The following ANKRD54 variants were observed in gnomAD, a reference collection of about 807,000 sequenced individuals.
The protein encoded by ANKRD54 is ankyrin repeat domain 54, also known as ankyrin repeat domain-containing protein 54.
Under a neutral mutation model 36.2 loss-of-function variants are expected in ANKRD54, and 26 were observed. The observed-to-expected ratio is 0.72, with a 90% CI of 0.53 to 1.00. The LOEUF is 1.00. Among genes scored for constraint, ANKRD54 ranks in the 50% least tolerant of loss-of-function variants. The pLI is 0.00. For missense variants in ANKRD54, 384 were observed against 424.3 expected, an observed-to-expected ratio of 0.91 and a Z score of 0.83; for synonymous variants, 209 against 188.4, an observed-to-expected ratio of 1.11 and a Z score of -0.89.
chr22:37,838,122 G>A lies in ANKRD54; in HGVS notation c.475+378C>T, dbSNP rs903456214. Among the ~76,000 whole-genome samples the A allele has an allele frequency of 3.3e-5, 5 of 151,446 alleles. No homozygotes were observed. The East Asian group carries it at 5.8e-4, about 18-fold the overall frequency. The stretch of plus-strand genomic sequence containing the variant: ...TGCACTCCAGCCTGGGCGACAGAGC[G>A]AGACTCCATCTCAAAAAAAAAAAAG... On this transcript the variant is annotated intron_variant, in intron 3 of 7. Coordinates refer to ENST00000215941, the MANE Select transcript of ANKRD54 (RefSeq NM_138797.4).
At position 37,836,702 on chromosome 22, in the gene ANKRD54, G is replaced by A. The variant is rs530324515; in HGVS notation, c.475+1798C>T. 2.9e-4 allele frequency among the ~76,000 whole-genome samples: 44 copies of A among 151,396 alleles called. No individual in the cohort carries two copies. The South Asian group carries it at 8.8e-3, about 30-fold the overall frequency. On this transcript the variant is annotated intron_variant, in intron 3 of 7. Transcript: ENST00000215941. The stretch of plus-strand genomic sequence containing the variant: ...GTGTACCTATGTAACGAACCTGCAC[G>A]TTCTGCACATGCATCCCAGAACTTA...
Position 37,844,008 on chromosome 22 carries a change from C to A in ANKRD54, c.231G>T (p.Glu77Asp). The change falls in exon 1 of 8, where the codon GAG (glutamate) becomes GAT (aspartate). Residue 77 changes from glutamate (E) to aspartate (D), a missense_variant. By Grantham distance (45) the Glu-to-Asp change is conservative. Coordinates refer to ENST00000215941, the MANE Select transcript of ANKRD54 (RefSeq NM_138797.4). ...TCTTGCAGCGCAGCTCGTCGCGCGG[C>A]TCCGCATCCTGCTGCCACAGGACGT... is the stretch of plus-strand genomic sequence containing the variant. ...YLHVLWQQDAEPRDELRCKIP... is the reference protein window; with the variant it reads ...YLHVLWQQDADPRDELRCKIP... 7.0e-7 allele frequency: 1 copy of A among 1,430,230 alleles called. No homozygotes were observed. The highest frequency in any genetic ancestry group is 9.1e-7 in the Non-Finnish European group (1 of 1,096,836). 88.6% of individuals were successfully genotyped at this position (1,430,230 alleles called of 1,614,324 possible).
rs1451777013 is a variant in ANKRD54, at chr22:37,844,011, C to T, written c.228G>A (p.Ala76=). Residue 76 remains alanine (A), a synonymous_variant, in exon 1 of 8, where the codon GCG becomes GCA. Transcript: ENST00000215941. ...RYLHVLWQQD[A]EPRDELRCKI... is the part of the protein sequence containing the mutation. ...TGCAGCGCAGCTCGTCGCGCGGCTC[C>T]GCATCCTGCTGCCACAGGACGTGCA... The T allele has an allele frequency of 2.8e-6, 4 of 1,430,992 alleles. No homozygotes were observed. Among genetic ancestry groups the T allele is most frequent in the African/African-American group, 1.5e-5 (1 of 66,898 alleles). The allele number at this position is 1,430,992 out of a possible 1,614,324, so 88.6% of individuals were successfully genotyped here.
chr22:37,832,816 G>C (rs776554252), intron 6 of ANKRD54, 72 bp from the exon 7 acceptor site: 5 of 1,603,418 alleles, frequency 3.1e-6, no homozygotes, highest in Non-Finnish European at 4.3e-6. Flanking sequence ...CTTCCAAAAA[G>C]CACAGTGGAG....
At chr22:37,840,363 C>T (rs1924075098) in intron 1 of ANKRD54, 129 bp from the exon 2 acceptor site, 2 of 961,724 alleles carry the variant, frequency 2.1e-6, no homozygotes, top group Non-Finnish European at 3.2e-6. Flanking sequence ...TCGAGACCAT[C>T]CTGGCTAACA....
chr22:37,838,721 G>C, intron 2 of ANKRD54, 123 bp from the exon 3 acceptor site: 1 of 884,696 alleles, frequency 1.1e-6, no homozygotes, highest in Non-Finnish European at 1.7e-6. Context: ...CAATGCATAG[G>C]AAAGCAGCCC....
At chr22:37,838,627 G>A (rs372599093) in intron 2 of ANKRD54, 29 bp from the exon 3 acceptor site, 2 of 1,594,224 alleles carry the variant, frequency 1.3e-6, no homozygotes, top group South Asian at 1.1e-5. Context: ...AGGGAGGAAG[G>A]GGGAGAAAGC....
rs551741290 is a variant in ANKRD54, at chr22:37,832,569, C to T, written c.828+68G>A. ...TTCTGATACGAGTGTCTGGTGGCAT[C>T]GGAGCAGGGTGGACTGGCCCTGAGG... On this transcript the variant is annotated intron_variant, in intron 7 of 7. Coordinates refer to ENST00000215941, the MANE Select transcript of ANKRD54 (RefSeq NM_138797.4). 147 of 1,433,550 alleles carry T rather than the reference C, an allele frequency of 1.0e-4. No individual in the cohort carries two copies. In the East Asian group the frequency reaches 3.0e-3, roughly 29 times the overall value. The allele number at this position is 1,433,550 out of a possible 1,614,324, so 88.8% of individuals were successfully genotyped here.
Position 37,831,988 on chromosome 22 carries a change from G to A in ANKRD54, c.858C>T (p.Ser286=), listed in dbSNP as rs1181876423. 6.2e-7 allele frequency: 1 copy of A among 1,613,622 alleles called. No individual in the cohort carries two copies. The highest frequency in any genetic ancestry group is 8.5e-7 in the Non-Finnish European group (1 of 1,179,852). Residue 286 remains serine (S), a synonymous_variant, in exon 8 of 8, where the codon AGC becomes AGT. Transcript: ENST00000215941. The stretch of plus-strand genomic sequence containing the variant: ...GCATCTGCAGACTGAGGGAGGTGAA[G>A]CTGGCCAGGAGGTCAGTCACTTCAT... The part of the protein sequence containing the change: ...QVDEVTDLLA[S]FTSLSLQMQS...
Position 37,833,760 on chromosome 22 carries a change from A to C in ANKRD54, c.476-5T>G. The C allele has an allele frequency of 6.2e-7, 1 of 1,613,874 alleles. No individual in the cohort carries two copies. The highest frequency in any genetic ancestry group is 2.2e-5 in the East Asian group (1 of 44,888). On this transcript the variant is annotated splice_polypyrimidine_tract_variant and splice_region_variant and intron_variant, in intron 3 of 7. Coordinates refer to ENST00000215941, the MANE Select transcript of ANKRD54 (RefSeq NM_138797.4). The stretch of plus-strand genomic sequence containing the variant: ...CATGGTCCAGGAGCAGCTGCACTGG[A>C]AACAGGCAAACCCAAGAGGAGTTGT...
At chr22:37,841,511 G>A (rs1376219285) in intron 1 of ANKRD54, among the ~76,000 whole-genome samples, 11 of 150,656 alleles carry the variant, frequency 7.3e-5, no homozygotes, top group Non-Finnish European at 1.2e-4. Flanking sequence ...GGGCAACAGA[G>A]TGAGACTCTG....
At chr22:37,833,897 T>C (rs55770255) in intron 3 of ANKRD54, 142 bp from the exon 4 acceptor site, 43,027 of 701,412 alleles carry the variant, frequency 0.061, 1,787 homozygotes, top group African/African-American at 0.14. Context: ...ATTCATTCAC[T>C]CACTCACTCA....
chr22:37,847,826 A>T, upstream of ANKRD54: 1 of 417,848 alleles, frequency 2.4e-6, no homozygotes, highest in South Asian at 1.9e-5. Flanking sequence ...TGACAGCACA[A>T]GGAAGAAACA....
At chr22:37,848,319 C>G (rs981230231), upstream of ANKRD54, 6 of 152,260 alleles carry the variant, frequency 3.9e-5, no homozygotes, top group African/African-American at 1.4e-4. Flanking sequence ...TCTTTGCCTG[C>G]TCCAACTTTA....
chr22:37,831,719 C>T lies in ANKRD54; in HGVS notation c.*224G>A. 1.7e-6 allele frequency: 1 copy of T among 572,034 alleles called. No homozygotes were observed. Among genetic ancestry groups the T allele is most frequent in the Non-Finnish European group, 3.1e-6 (1 of 319,564 alleles). 35.4% of individuals were successfully genotyped at this position (572,034 alleles called of 1,614,324 possible). A position where few individuals can be genotyped will look rare whatever the true frequency, so the allele number is the denominator to read the frequency against. On this transcript the variant is annotated 3_prime_UTR_variant, in exon 8 of 8. Transcript: ENST00000215941. The stretch of plus-strand genomic sequence containing the variant: ...CTGGTGCTGCGAGAACTGGAAGAAG[C>T]TGGGAGCTGTGGTCCCTGTCCACAG...
chr22:37,838,406 TC>T, intron 3 of ANKRD54, 93 bp downstream of exon 3: 1 of 1,257,506 alleles, frequency 8.0e-7, no homozygotes. Context: ...CAACTGGGCA[TC>T]CCAAGGCTGT....
At chr22:37,847,303 C>T (rs1211223526), upstream of ANKRD54, among the ~76,000 whole-genome samples, 3 of 151,958 alleles carry the variant, frequency 2.0e-5, no homozygotes, top group Non-Finnish European at 2.9e-5. Context: ...GCTGGGACTA[C>T]AGGCATATGC....
upstream of ANKRD54, among the ~76,000 whole-genome samples, chr22:37,846,588 A>T (rs906894201): frequency 6.6e-6 from 1 of 152,116 alleles, no homozygotes; most frequent in African/African-American, 2.4e-5. Flanking sequence ...TACAGGAGTG[A>T]GCCACAGTGC....
chr22:37,841,648 G>T (rs545332289), intron 1 of ANKRD54, among the ~76,000 whole-genome samples: 2 of 151,944 alleles, frequency 1.3e-5, no homozygotes, highest in African/African-American at 4.8e-5. Flanking sequence ...AGGAGTTTGA[G>T]ACCAGCCTGG....
Sources: allele counts gnomAD v4.1 joint callset (sites outside exome capture counted in the v4.1 genomes callset), GRCh38; gene constraint gnomAD v4.1.1; transcripts MANE v1.5; gene names NCBI Gene and HGNC (gene_info 2026-07-23, HGNC 2026-07-21).